Variants in TECPR1 observed in about 807,000 individuals in gnomAD.
The protein encoded by TECPR1 is tectonin beta-propeller repeat containing 1.
In TECPR1, 122 loss-of-function variants were observed where a neutral mutation model predicts 162.4. That is an observed-to-expected ratio of 0.75 (90% CI 0.65 to 0.87). The LOEUF (loss-of-function observed/expected upper bound fraction) is 0.87. TECPR1 is among the 40% of genes least tolerant of loss of function. The probability of loss-of-function intolerance (pLI) is 0.00; values close to 1 mark genes in which losing one functional copy is unlikely to be tolerated. For missense variants in TECPR1, 1,432 were observed against 1,618.2 expected, an observed-to-expected ratio of 0.88 and a Z score of 1.97; for synonymous variants, 642 against 670.6, an observed-to-expected ratio of 0.96 and a Z score of 0.66.
At chr7:98,242,153 C>T (rs1798766738) in intron 6 of TECPR1, among the ~76,000 whole-genome samples, 1 of 152,210 alleles carries the variant, frequency 6.6e-6, no homozygotes, top group Non-Finnish European at 1.5e-5. Context: ...GCCAACGTGG[C>T]CGCAGAGGGG....
chr7:98,245,884 C>G (rs370228669), intron 3 of TECPR1, 38 bp downstream of exon 3: 49 of 1,546,182 alleles, frequency 3.2e-5, no homozygotes, highest in Non-Finnish European at 4.2e-5. Context: ...ACCCAGCGAA[C>G]TGACCCGCTC....
intron 2 of TECPR1, 136 bp from the exon 3 acceptor site, chr7:98,246,301 C>G: frequency 1.7e-6 from 1 of 602,272 alleles, no homozygotes; most frequent in Non-Finnish European, 2.8e-6. Context: ...GAGTCTCACT[C>G]TGTCACCCAG....
chr7:98,236,666 C>G, intron 10 of TECPR1, 110 bp downstream of exon 10: 1 of 1,408,664 alleles, frequency 7.1e-7, no homozygotes, highest in Admixed American at 2.1e-5. Flanking sequence ...CTGCCTGGGA[C>G]AAGTCCTGGG....
Position 98,241,322 on chromosome 7 carries a change from G to A in TECPR1, c.658-78C>T, listed in dbSNP as rs1289262713. 6.4e-7 allele frequency: 1 copy of A among 1,556,240 alleles called. No homozygotes were observed. Among genetic ancestry groups the A allele is most frequent in the South Asian group, 1.2e-5 (1 of 86,002 alleles). On this transcript the variant is annotated intron_variant, in intron 6 of 25. Coordinates refer to ENST00000447648, the MANE Select transcript of TECPR1 (RefSeq NM_015395.3). This position sits in a 1 kb window ranked among gnomAD's most constrained non-coding sequence, Gnocchi z 5.0. ...AAGCACGGGGGTCTCGGTGTGGTAGGGGGTAGGACCCATGTCCCCTGACCG... is the reference window on the plus strand; with the variant it reads ...AAGCACGGGGGTCTCGGTGTGGTAGAGGGTAGGACCCATGTCCCCTGACCG...
At chr7:98,221,939 C>T (rs575568728) in intron 22 of TECPR1, among the ~76,000 whole-genome samples, 186 bp from the exon 23 acceptor site, 209 of 152,282 alleles carry the variant, frequency 1.4e-3, no homozygotes, top group African/African-American at 4.7e-3. Context: ...GAAGCCATGG[C>T]GGGCTCCGAT....
intron 5 of TECPR1, 151 bp downstream of exon 5, chr7:98,244,420 G>A (rs552506012): frequency 2.0e-5 from 20 of 995,306 alleles, no homozygotes; most frequent in Non-Finnish European, 2.7e-5. Context: ...GTGTCGTGGT[G>A]TTCCCGGGAC....
chr7:98,236,893 G>A lies in TECPR1; in HGVS notation c.1064C>T (p.Ala355Val). The change falls in exon 10 of 26, where the codon GCC (alanine) becomes GTC (valine). Residue 355 changes from alanine (A) to valine (V), a missense_variant. Transcript: ENST00000447648. ...GGTGACACCCTGCCGGAAGTACACG[G>A]CTCGGTCCTCACAGCCAATGCCCCA... ...QVWGIGCEDR[A>V]VYFRQGVTPS... The A allele has an allele frequency of 6.4e-7, 1 of 1,574,068 alleles. No individual in the cohort carries two copies. The highest frequency in any genetic ancestry group is 8.6e-7 in the Non-Finnish European group (1 of 1,161,066).
chr7:98,227,423 T>C (rs976630972), intron 17 of TECPR1, among the ~76,000 whole-genome samples: 2 of 150,352 alleles, frequency 1.3e-5, no homozygotes, highest in African/African-American at 4.9e-5. Context: ...AAAACAAAAG[T>C]ACAAACCTCT....
At chr7:98,233,033 C>T in intron 11 of TECPR1, 61 bp from the exon 12 acceptor site, 1 of 1,512,408 alleles carries the variant, frequency 6.6e-7, no homozygotes. Flanking sequence ...GGGCAGGAAG[C>T]CACGGCGCTC....
In TECPR1 at chr7:98,228,129, G is replaced by A. The variant is rs762658889; in HGVS notation, c.2411-13C>T. The stretch of plus-strand genomic sequence containing the variant: ...CTGCTGGCCAGGCCTGTGGGGAGAG[G>A]TGGCTGCTGGGACCGAGGCCACATA... On this transcript the variant is annotated splice_polypyrimidine_tract_variant and intron_variant, in intron 16 of 25. Transcript: ENST00000447648. 4 of 1,601,440 alleles carry A rather than the reference G, an allele frequency of 2.5e-6. No homozygotes were observed. The highest frequency in any genetic ancestry group is 8.5e-7 in the Non-Finnish European group (1 of 1,173,162).
chr7:98,243,322 G>A (rs1798816768), intron 6 of TECPR1, 145 bp downstream of exon 6: 1 of 1,145,432 alleles, frequency 8.7e-7, no homozygotes, highest in Non-Finnish European at 1.2e-6. Context: ...CACGCTGGGG[G>A]CTCGGAGGAG....
chr7:98,220,729 T>G (rs1339229224), intron 23 of TECPR1, among the ~76,000 whole-genome samples: 2 of 152,106 alleles, frequency 1.3e-5, no homozygotes, highest in Non-Finnish European at 2.9e-5. Context: ...CAGCTAATTT[T>G]TTGTATTTTT....
chr7:98,228,358 T>C, intron 16 of TECPR1: 1 of 509,828 alleles, frequency 2.0e-6, no homozygotes, highest in Non-Finnish European at 3.6e-6. Context: ...CTGCTGTGCA[T>C]TAAATCTCCC....
rs1250410557 is a variant in TECPR1, at chr7:98,232,371, A to C, written c.1819-412T>G. Among the ~76,000 whole-genome samples the C allele has an allele frequency of 2.0e-5, 3 of 151,478 alleles. No homozygotes were observed. The highest frequency in any genetic ancestry group is 7.3e-5 in the African/African-American group (3 of 41,190). On this transcript the variant is annotated intron_variant, in intron 12 of 25. Transcript: ENST00000447648. The surrounding 1 kb of genome is among the most constrained non-coding windows in gnomAD (Gnocchi z 4.6). ...ACATGCTCTGTGTGACTTCCCTGTC[A>C]CCCCCACACTTGACCTCTGAGGGCC... is the stretch of plus-strand genomic sequence containing the variant.
intron 10 of TECPR1, among the ~76,000 whole-genome samples, chr7:98,235,523 TAAAA>T (rs35562090): frequency 8.6e-6 from 1 of 116,680 alleles, no homozygotes; most frequent in South Asian, 3.0e-4. Flanking sequence ...AGACTCCGTC[TAAAA>T]AAAAAAAAAA....
intron 2 of TECPR1, among the ~76,000 whole-genome samples, chr7:98,246,427 C>T (rs1039207238): frequency 6.6e-6 from 1 of 151,590 alleles, no homozygotes; most frequent in Non-Finnish European, 1.5e-5. Flanking sequence ...CCACCATACC[C>T]AGCTAGTTTT....
chr7:98,220,526 G>A (rs1251500931), intron 23 of TECPR1, among the ~76,000 whole-genome samples: 3 of 146,506 alleles, frequency 2.0e-5, no homozygotes, highest in Non-Finnish European at 4.5e-5. Context: ...TCAGCCTCCT[G>A]AGTAGCTGGG....
chr7:98,215,750 A>G lies in TECPR1; in HGVS notation c.*1640T>C, dbSNP rs191072056. 5 of 152,394 alleles carry G rather than the reference A, an allele frequency of 3.3e-5. No individual in the cohort carries two copies. Among genetic ancestry groups the G allele is most frequent in the Admixed American group, 2.0e-4 (3 of 15,312 alleles). The allele number at this position is 152,394 out of a possible 1,614,324, so 9.4% of individuals were successfully genotyped here. A position where few individuals can be genotyped will look rare whatever the true frequency, so the allele number is the denominator to read the frequency against. Reference sequence around the variant, plus strand: ...GAAAACCTGATAGTGAAATGTAAACAGACAGGACAGGGTGGTTCCAGGTGG... The same window carrying G: ...GAAAACCTGATAGTGAAATGTAAACGGACAGGACAGGGTGGTTCCAGGTGG... On this transcript the variant is annotated 3_prime_UTR_variant, in exon 26 of 26. Transcript: ENST00000447648.
chr7:98,229,211 C>A, intron 15 of TECPR1, 45 bp from the exon 16 acceptor site: 1 of 1,532,918 alleles, frequency 6.5e-7, no homozygotes, highest in Non-Finnish European at 8.8e-7. Flanking sequence ...CAGACCCCAC[C>A]TTCCAACCCT....
Sources: gnomAD v4.1 joint callset for allele counts (sites outside exome capture counted in the v4.1 genomes callset) on GRCh38, gnomAD v4.1.1 for gene constraint, Gnocchi (gnomAD v3.1) non-coding constraint, MANE v1.5 for transcripts, NCBI Gene and HGNC (gene_info 2026-07-23, HGNC 2026-07-21) for gene names.